The following RIMS1 variants were observed in gnomAD, a reference collection of about 807,000 sequenced individuals.
RIMS1 encodes the protein regulating synaptic membrane exocytosis protein 1.
In RIMS1, 83 loss-of-function variants were observed where a neutral mutation model predicts 214.1. The observed-to-expected ratio is 0.39, with a 90% CI of 0.32 to 0.47. The LOEUF is 0.47. Among genes scored for constraint, RIMS1 ranks in the 20% least tolerant of loss-of-function variants. The probability of loss-of-function intolerance (pLI) is 0.99; values close to 1 mark genes in which losing one functional copy is unlikely to be tolerated. For synonymous variants in RIMS1, 793 were observed against 786.8 expected, an observed-to-expected ratio of 1.01 and a Z score of -0.13; for missense variants, 2,050 against 2,161.8, an observed-to-expected ratio of 0.95 and a Z score of 1.03.
chr6:72,175,389 T>C, intron 4 of RIMS1: 1 of 425,392 alleles, frequency 2.4e-6, no homozygotes, highest in Non-Finnish European at 4.7e-6. Context: ...ATAAGAATTC[T>C]GAGTTGGGTG....
At chr6:72,310,451 T>G (rs1298490858) in intron 27 of RIMS1, among the ~76,000 whole-genome samples, 18 of 152,114 alleles carry the variant, frequency 1.2e-4, no homozygotes, top group Non-Finnish European at 4.4e-5. Context: ...AATGATGAAG[T>G]GAAATTCATA....
At chr6:72,271,273 A>G (rs1370651331) in intron 22 of RIMS1, among the ~76,000 whole-genome samples, 4 of 49,678 alleles carry the variant, frequency 8.1e-5, no homozygotes, top group South Asian at 1.9e-3. Flanking sequence ...CTCAAGGAAA[A>G]AAAAAAAAAA....
intron 29 of RIMS1, among the ~76,000 whole-genome samples, chr6:72,389,847 G>A (rs2098674164): frequency 6.6e-6 from 1 of 152,044 alleles, no homozygotes; most frequent in African/African-American, 2.4e-5. Context: ...TTTCAAAGTG[G>A]CTCAAGAAAA....
intron 6 of RIMS1, among the ~76,000 whole-genome samples, chr6:72,187,753 A>G (rs1456579040): frequency 1.3e-5 from 2 of 152,130 alleles, no homozygotes; most frequent in Non-Finnish European, 2.9e-5. Context: ...CGGCCTCCCA[A>G]AGTGCTGGGA....
intron 4 of RIMS1, among the ~76,000 whole-genome samples, chr6:72,149,822 C>T (rs950072443): frequency 6.6e-6 from 1 of 152,172 alleles, no homozygotes; most frequent in Non-Finnish European, 1.5e-5. Context: ...AGGCCTGCTG[C>T]AGGATGTGTC....
chr6:72,187,727 C>T (rs1010880221), intron 6 of RIMS1, among the ~76,000 whole-genome samples: 1 of 152,010 alleles, frequency 6.6e-6, no homozygotes, highest in Non-Finnish European at 1.5e-5. Context: ...CTCCTGACCT[C>T]GTGATCCGCC....
At chr6:72,219,289 C>G (rs1397202047) in intron 6 of RIMS1, among the ~76,000 whole-genome samples, 1 of 152,064 alleles carries the variant, frequency 6.6e-6, no homozygotes, top group African/African-American at 2.4e-5. Context: ...CTTTTAAATA[C>G]TTATCATCAT....
intron 6 of RIMS1, among the ~76,000 whole-genome samples, chr6:72,201,486 C>T (rs1180559831): frequency 6.6e-6 from 1 of 152,118 alleles, no homozygotes; most frequent in Admixed American, 6.5e-5. Flanking sequence ...AAAGGTTGTC[C>T]TTATTTTGGT....
At chr6:72,291,900 A>G (rs1175343435) in intron 25 of RIMS1, 34 bp from the exon 26 acceptor site, 2 of 1,478,516 alleles carry the variant, frequency 1.4e-6, no homozygotes, top group African/African-American at 1.4e-5. Context: ...TTGGAATTTC[A>G]TTGTTTCATG....
At chr6:72,336,618 A>G (rs1427739520) in intron 29 of RIMS1, among the ~76,000 whole-genome samples, 1 of 151,806 alleles carries the variant, frequency 6.6e-6, no homozygotes, top group African/African-American at 2.4e-5. Flanking sequence ...TTATATAATG[A>G]TGGGTTGAAT....
At chr6:72,357,662 T>G (rs997065569) in intron 29 of RIMS1, among the ~76,000 whole-genome samples, 8 of 152,204 alleles carry the variant, frequency 5.3e-5, no homozygotes, top group African/African-American at 1.4e-4. Flanking sequence ...AGTCTATGGT[T>G]CTGTAACTTG....
chr6:72,030,583 T>A (rs914337344), intron 2 of RIMS1, among the ~76,000 whole-genome samples: 2 of 152,116 alleles, frequency 1.3e-5, no homozygotes, highest in African/African-American at 2.4e-5. Context: ...TAACATGAAT[T>A]TTAAAAGATA....
Position 72,242,296 on chromosome 6 carries a change from CT to C in RIMS1, c.1958-10del, listed in dbSNP as rs761135970. 3.7e-5 allele frequency: 57 copies of C among 1,521,528 alleles called. No individual in the cohort carries two copies. Among genetic ancestry groups the C allele is most frequent in the Admixed American group, 1.2e-4 (6 of 50,108 alleles). The allele number at this position is 1,521,528 out of a possible 1,614,324, so 94.3% of individuals were successfully genotyped here. Reference sequence around the variant, plus strand: ...AGAATATATAAGGTAAAAAAATACCCTTTTTTTTAAATTCAAGGGGATGAAG... The same window carrying C: ...AGAATATATAAGGTAAAAAAATACCCTTTTTTTAAATTCAAGGGGATGAAG... On this transcript the variant is annotated splice_polypyrimidine_tract_variant and intron_variant, in intron 9 of 33. Coordinates refer to ENST00000521978, the MANE Select transcript of RIMS1 (RefSeq NM_014989.7).
chr6:72,346,847 G>A (rs1363936560), intron 29 of RIMS1, among the ~76,000 whole-genome samples: 3 of 151,696 alleles, frequency 2.0e-5, no homozygotes, highest in Non-Finnish European at 3.0e-5. Flanking sequence ...GGCTACTTGT[G>A]TGCTACAAAG....
intron 1 of RIMS1, among the ~76,000 whole-genome samples, chr6:71,906,844 G>A (rs1043341855): frequency 1.1e-4 from 16 of 152,148 alleles, no homozygotes; most frequent in African/African-American, 3.9e-4. Flanking sequence ...TTTCACATGT[G>A]GGCAACATTA....
chr6:72,337,712 G>A (rs902737035), intron 29 of RIMS1, among the ~76,000 whole-genome samples: 10 of 149,172 alleles, frequency 6.7e-5, no homozygotes, highest in Non-Finnish European at 1.3e-4. Flanking sequence ...TTAGCATTAG[G>A]TATATCTCCT....
At chr6:71,913,107 C>T (rs1369609734) in intron 1 of RIMS1, among the ~76,000 whole-genome samples, 5 of 152,076 alleles carry the variant, frequency 3.3e-5, no homozygotes, top group African/African-American at 1.2e-4. Context: ...TATGTATGTG[C>T]TAATGCCTTA....
rs114760472 is a variant in RIMS1 at position 72,156,082 on chromosome 6, T to C, written c.472-23493T>C. 561 of 359,058 alleles carry C rather than the reference T, an allele frequency of 1.6e-3. 32 individuals are homozygous for C. The highest frequency in any genetic ancestry group is 0.011 in the African/African-American group (524 of 47,838). The allele number at this position is 359,058 out of a possible 1,614,324, so 22.2% of individuals were successfully genotyped here. A position where few individuals can be genotyped will look rare whatever the true frequency, so the allele number is the denominator to read the frequency against. Reference sequence around the variant, plus strand: ...TGGAGTTCCCTCAGAAAATTATAAATAGAAGTACTATATGATCCAGCAATC... The same window carrying C: ...TGGAGTTCCCTCAGAAAATTATAAACAGAAGTACTATATGATCCAGCAATC... On this transcript the variant is annotated intron_variant, in intron 4 of 33. Coordinates refer to ENST00000521978, the MANE Select transcript of RIMS1 (RefSeq NM_014989.7).
intron 24 of RIMS1, 23 bp downstream of exon 24, chr6:72,284,141 C>A: frequency 1.3e-6 from 2 of 1,593,096 alleles, no homozygotes; most frequent in Non-Finnish European, 1.7e-6. Flanking sequence ...TTGTGGTGTG[C>A]TGACATCTTC....
Sources: allele counts gnomAD v4.1 joint callset (sites outside exome capture counted in the v4.1 genomes callset), GRCh38; gene constraint gnomAD v4.1.1; transcripts MANE v1.5; gene names NCBI Gene and HGNC (gene_info 2026-07-23, HGNC 2026-07-21).